The following ADAMTS2 variants were observed in gnomAD, a reference collection of about 807,000 sequenced individuals.
ADAMTS2 encodes ADAM metallopeptidase with thrombospondin type 1 motif 2, also known as A disintegrin and metalloproteinase with thrombospondin motifs 2.
Under a neutral mutation model 123.0 loss-of-function variants are expected in ADAMTS2, and 50 were observed. That is an observed-to-expected ratio of 0.41 (90% CI 0.32 to 0.51). The LOEUF (loss-of-function observed/expected upper bound fraction) is 0.51. Among genes scored for constraint, ADAMTS2 ranks in the 20% least tolerant of loss-of-function variants. The probability of loss-of-function intolerance (pLI) is 0.35; values close to 1 mark genes in which losing one functional copy is unlikely to be tolerated. For missense variants in ADAMTS2, 1,494 were observed against 1,705.2 expected (o/e 0.88, Z 2.18); for synonymous variants, 678 against 695.4 (o/e 0.98, Z 0.39).
At chr5:179,172,319 T>C (rs1763838583) in intron 5 of ADAMTS2, among the ~76,000 whole-genome samples, 1 of 151,984 alleles carries the variant, frequency 6.6e-6, no homozygotes. Context: ...CACTGCCCCA[T>C]TCCCAACTCT....
intron 2 of ADAMTS2, among the ~76,000 whole-genome samples, chr5:179,306,108 T>C (rs753077757): frequency 6.6e-6 from 1 of 152,012 alleles, no homozygotes; most frequent in Non-Finnish European, 1.5e-5. Context: ...TACCCTGATA[T>C]TAAAACCAGA....
At chr5:179,136,671 CAA>C (rs34900361) in intron 12 of ADAMTS2, among the ~76,000 whole-genome samples, 19 of 59,052 alleles carry the variant, frequency 3.2e-4, no homozygotes, top group Non-Finnish European at 4.3e-4. Context: ...GACTCCATCT[CAA>C]AAAAAAAAAA....
intron 7 of ADAMTS2, 48 bp from the exon 8 acceptor site, chr5:179,154,240 G>A: frequency 2.0e-6 from 3 of 1,536,034 alleles, no homozygotes; most frequent in South Asian, 2.4e-5. Flanking sequence ...ACACGGGTCT[G>A]CCAGTCCCAC....
chr5:179,131,306 CAAAAAAAAAAAA>C, intron 15 of ADAMTS2, among the ~76,000 whole-genome samples: 1 of 22,678 alleles, frequency 4.4e-5, no homozygotes, highest in South Asian at 2.1e-3. Flanking sequence ...GAGCGAGACT[CAAAAAAAAAAAA>C]AAAAAAAAAA....
intron 3 of ADAMTS2, among the ~76,000 whole-genome samples, chr5:179,223,148 G>A (rs575565177): frequency 1.3e-5 from 2 of 152,322 alleles, no homozygotes; most frequent in African/African-American, 4.8e-5. Context: ...GCCTTGCGTG[G>A]CACCACCTCT....
intron 10 of ADAMTS2, among the ~76,000 whole-genome samples, chr5:179,148,676 G>T (rs143716044): frequency 6.6e-6 from 1 of 152,078 alleles, no homozygotes; most frequent in East Asian, 1.9e-4. Flanking sequence ...GGTCCTCCTC[G>T]CTCGGGCAAG....
chr5:179,120,708 T>G (rs1284238140), intron 21 of ADAMTS2: 1 of 151,914 alleles, frequency 6.6e-6, no homozygotes, highest in Non-Finnish European at 1.5e-5. Context: ...GACTGGCCAG[T>G]GGGGCATCAG....
In ADAMTS2 at chr5:179,234,183, G is replaced by A. The variant is rs1047955831; in HGVS notation, c.689-26468C>T. 1.3e-5 allele frequency among the ~76,000 whole-genome samples: 2 copies of A among 152,060 alleles called. No homozygotes were observed. The highest frequency in any genetic ancestry group is 6.5e-5 in the Admixed American group (1 of 15,278). On this transcript the variant is annotated intron_variant, in intron 3 of 21. Coordinates refer to ENST00000251582, the MANE Select transcript of ADAMTS2 (RefSeq NM_014244.5). This position sits in a 1 kb window ranked among gnomAD's most constrained non-coding sequence, Gnocchi z 4.7. ...GAAGAGACCCTCTCCTGCCACAGGC[G>A]CCCTCCCCATCAGATGCCAGAGATA...
chr5:179,334,389 G>A (rs1369623311), intron 2 of ADAMTS2, among the ~76,000 whole-genome samples: 1 of 152,224 alleles, frequency 6.6e-6, no homozygotes, highest in Non-Finnish European at 1.5e-5. Context: ...TTGGAGGTGA[G>A]AGAAGGGAGC....
At chr5:179,186,394 T>C (rs1764170745) in intron 4 of ADAMTS2, among the ~76,000 whole-genome samples, 2 of 152,108 alleles carry the variant, frequency 1.3e-5, no homozygotes, top group African/African-American at 4.8e-5. Flanking sequence ...GGAACAGACA[T>C]GGGGGGCAGG....
intron 4 of ADAMTS2, 65 bp downstream of exon 4, chr5:179,207,448 C>T (rs1158422469): frequency 1.5e-5 from 24 of 1,557,830 alleles, no homozygotes; most frequent in Non-Finnish European, 2.1e-5. Flanking sequence ...CTGGGCCTCT[C>T]TGGCCTGCCC....
At chr5:179,166,631 C>T (rs1031323354) in intron 5 of ADAMTS2, among the ~76,000 whole-genome samples, 4 of 152,172 alleles carry the variant, frequency 2.6e-5, no homozygotes, top group African/African-American at 9.6e-5. Flanking sequence ...CAAGTCCCAG[C>T]CCCATCCTGG....
At position 179,137,752 on chromosome 5, in the gene ADAMTS2, C is replaced by T; in HGVS notation, c.1951+17G>A. 1 of 1,549,758 alleles carries T rather than the reference C, an allele frequency of 6.5e-7. No homozygotes were observed. The highest frequency in any genetic ancestry group is 2.3e-4 in the Middle Eastern group (1 of 4,430). On this transcript the variant is annotated intron_variant, in intron 12 of 21. Transcript: ENST00000251582. ...CTGCCTGCTGAGCCCCCACTGATGC[C>T]TCCCAGAAGGGCTCACCATCCCGGT... is the stretch of plus-strand genomic sequence containing the variant.
At chr5:179,215,135 A>T (rs1427334662) in intron 3 of ADAMTS2, among the ~76,000 whole-genome samples, 1 of 152,230 alleles carries the variant, frequency 6.6e-6, no homozygotes, top group East Asian at 1.9e-4. Flanking sequence ...AAAGAAACAG[A>T]TCAATGGAGC....
rs200252828 is a variant in ADAMTS2 at position 179,137,472 on chromosome 5, TC to T, written c.1951+296del. Among the ~76,000 whole-genome samples the T allele has an allele frequency of 0.038, 5,722 of 152,342 alleles. 150 individuals carry two copies. Among genetic ancestry groups the T allele is most frequent in the Non-Finnish European group, 0.056 (3,801 of 68,018 alleles). Reference sequence around the variant, plus strand: ...AGCTGACCACACAGCTCAAGCCTCGTCCACCCACGGTGAACTGCAGGAGCCC... The same window carrying T: ...AGCTGACCACACAGCTCAAGCCTCGTCACCCACGGTGAACTGCAGGAGCCC... On this transcript the variant is annotated intron_variant, in intron 12 of 21. Coordinates refer to ENST00000251582, the MANE Select transcript of ADAMTS2 (RefSeq NM_014244.5).
intron 3 of ADAMTS2, among the ~76,000 whole-genome samples, chr5:179,227,798 G>A (rs1765321300): frequency 1.3e-5 from 2 of 152,030 alleles, no homozygotes; most frequent in South Asian, 4.1e-4. Context: ...AGGAGAGATG[G>A]CCGAGGCCGG....
chr5:179,241,468 T>C (rs1765670653), intron 3 of ADAMTS2, among the ~76,000 whole-genome samples: 1 of 152,230 alleles, frequency 6.6e-6, no homozygotes, highest in African/African-American at 2.4e-5. Context: ...GGGTTGTTAT[T>C]CTGCTCTTTC....
At chr5:179,278,613 T>C (rs1766807521) in intron 2 of ADAMTS2, among the ~76,000 whole-genome samples, 1 of 152,026 alleles carries the variant, frequency 6.6e-6, no homozygotes, top group African/African-American at 2.4e-5. Context: ...TACAGAAAGG[T>C]TGGTACCCCG....
At chr5:179,137,543 A>G (rs1763085894) in intron 12 of ADAMTS2, among the ~76,000 whole-genome samples, 1 of 152,212 alleles carries the variant, frequency 6.6e-6, no homozygotes, top group African/African-American at 2.4e-5. Context: ...CCATGTCCTC[A>G]GCTACTCTGG....
Sources: gnomAD v4.1 joint callset for allele counts (sites outside exome capture counted in the v4.1 genomes callset) on GRCh38, gnomAD v4.1.1 for gene constraint, Gnocchi (gnomAD v3.1) non-coding constraint, MANE v1.5 for transcripts, NCBI Gene and HGNC (gene_info 2026-07-23, HGNC 2026-07-21) for gene names.